The following E2F3 variants were observed in gnomAD, a reference collection of about 807,000 sequenced individuals.
The protein encoded by E2F3 is E2F transcription factor 3.
Under a neutral mutation model 44.4 loss-of-function variants are expected in E2F3, and 11 were observed. The observed-to-expected ratio is 0.25, with a 90% CI of 0.16 to 0.41. E2F3 has a LOEUF of 0.41. Ranked by LOEUF, E2F3 falls within the 10% of genes least tolerant of loss-of-function variation. The pLI is 1.00. For synonymous variants in E2F3, 249 were observed against 253.0 expected (o/e 0.98, Z 0.15); for missense variants, 487 against 583.6 (o/e 0.83, Z 1.70).
At chr6:20,458,978 G>A (rs1220800565) in intron 1 of E2F3, among the ~76,000 whole-genome samples, 1 of 152,078 alleles carries the variant, frequency 6.6e-6, no homozygotes, top group Non-Finnish European at 1.5e-5. Context: ...ATATAGCCTG[G>A]AAGGGCTGGG....
At position 20,488,176 on chromosome 6, in the gene E2F3, A is replaced by C. The variant is rs781357537; in HGVS notation, c.1063A>C (p.Thr355Pro). The C allele has an allele frequency of 6.2e-7, 1 of 1,613,828 alleles. No homozygotes were observed. The highest frequency in any genetic ancestry group is 8.5e-7 in the Non-Finnish European group (1 of 1,179,960). ...PIEVYLCPEE[T>P]ETHSPMKTNN... is the part of the protein sequence containing the mutation. ...TGAGGTTTACTTATGTCCAGAAGAG[A>C]CTGAAACACACAGTCCAATGAAAAC... Residue 355 changes from threonine (T) to proline (P), a missense_variant, in exon 6 of 7, where the codon ACT becomes CCT. Physicochemically the swap from Thr to Pro is conservative, Grantham distance 38. This residue lies in a region of E2F3 where 220 missense variants were observed against 261.7 expected (regional missense o/e 0.84). Transcript: ENST00000346618.
intron 4 of E2F3, among the ~76,000 whole-genome samples, chr6:20,484,711 T>A (rs1762333539): frequency 6.6e-6 from 1 of 152,254 alleles, no homozygotes; most frequent in African/African-American, 2.4e-5. Flanking sequence ...CTGTGATAGA[T>A]CCCCTACATG....
intron 1 of E2F3, among the ~76,000 whole-genome samples, chr6:20,449,775 T>C (rs887069189): frequency 1.2e-4 from 19 of 152,120 alleles, no homozygotes; most frequent in African/African-American, 4.6e-4. Context: ...CTCCTCCCAC[T>C]CTCCACCTTC....
rs200172866 is a variant in E2F3, at chr6:20,482,349, T to G, written c.726-413T>G. ...TGGATGGGTTGTTTTTTTGTTTTTT[T>G]TTTTTTTTAATTTTGAACCATTCCA... is the stretch of plus-strand genomic sequence containing the variant. On this transcript the variant is annotated intron_variant, in intron 3 of 6. Transcript: ENST00000346618. Among the ~76,000 whole-genome samples the G allele has an allele frequency of 2.7e-3, 407 of 150,550 alleles. 2 individuals carry two copies. The highest frequency in any genetic ancestry group is 0.02 in the Middle Eastern group (6 of 294).
chr6:20,407,303 A>G (rs945937008), intron 1 of E2F3, among the ~76,000 whole-genome samples: 1 of 152,198 alleles, frequency 6.6e-6, no homozygotes, highest in Admixed American at 6.5e-5. Context: ...CTCCACTATA[A>G]TCAGTACCAA....
intron 1 of E2F3, among the ~76,000 whole-genome samples, chr6:20,453,278 A>G (rs1456018117): frequency 3.3e-5 from 5 of 152,078 alleles, no homozygotes; most frequent in Non-Finnish European, 5.9e-5. Flanking sequence ...AACCCCTTCC[A>G]CACATACACG....
At chr6:20,427,205 A>G (rs138998221) in intron 1 of E2F3, among the ~76,000 whole-genome samples, 4 of 152,300 alleles carry the variant, frequency 2.6e-5, no homozygotes, top group Non-Finnish European at 4.4e-5. Context: ...ATTTCTTATC[A>G]TATAATGGGA....
Position 20,493,608 on chromosome 6 carries a change from T to G in E2F3, c.*3178T>G, listed in dbSNP as rs929814698. 2 of 206,598 alleles carry G rather than the reference T, an allele frequency of 9.7e-6. No individual in the cohort carries two copies. The highest frequency in any genetic ancestry group is 2.0e-5 in the Non-Finnish European group (2 of 100,976). 12.8% of individuals were successfully genotyped at this position (206,598 alleles called of 1,614,324 possible). A position where few individuals can be genotyped will look rare whatever the true frequency, so the allele number is the denominator to read the frequency against. On this transcript the variant is annotated 3_prime_UTR_variant, in exon 7 of 7. Coordinates refer to ENST00000346618, the MANE Select transcript of E2F3 (RefSeq NM_001949.5). ...ATGATGGATTTTGTAAATAGATTTGTTACAGGGTGACCTGTTCTCTAGCTG... is the reference window on the plus strand; with the variant it reads ...ATGATGGATTTTGTAAATAGATTTGGTACAGGGTGACCTGTTCTCTAGCTG...
At chr6:20,473,976 A>G (rs967207700) in intron 1 of E2F3, among the ~76,000 whole-genome samples, 1 of 152,172 alleles carries the variant, frequency 6.6e-6, no homozygotes. Context: ...GACTAATAGA[A>G]ACTAAGAACA....
intron 1 of E2F3, among the ~76,000 whole-genome samples, chr6:20,453,403 TTTTTTGTTTTTG>T (rs539685002): frequency 6.6e-6 from 1 of 151,850 alleles, no homozygotes; most frequent in Admixed American, 6.6e-5. Context: ...TGGATTCAAG[TTTTTTGTTTTTG>T]TTTTTGTTTT....
chr6:20,433,049 G>C (rs1457031231), intron 1 of E2F3, among the ~76,000 whole-genome samples: 1 of 152,162 alleles, frequency 6.6e-6, no homozygotes, highest in African/African-American at 2.4e-5. Context: ...TCTGCAGTTA[G>C]ACTCTTTTGT....
At chr6:20,468,501 A>G (rs1272084874) in intron 1 of E2F3, among the ~76,000 whole-genome samples, 2 of 152,196 alleles carry the variant, frequency 1.3e-5, no homozygotes, top group Non-Finnish European at 2.9e-5. Context: ...ACCCTCCAGG[A>G]ACCTCCTTGT....
At position 20,402,919 on chromosome 6, in the gene E2F3, A is replaced by C. The variant is rs1581557524; in HGVS notation, c.393+294A>C. Among the ~76,000 whole-genome samples, 1 of 147,702 alleles carries C rather than the reference A, an allele frequency of 6.8e-6. No individual in the cohort carries two copies. The highest frequency in any genetic ancestry group is 2.2e-4 in the South Asian group (1 of 4,566). On this transcript the variant is annotated intron_variant, in intron 1 of 6. Transcript: ENST00000346618. This position sits in a 1 kb window ranked among gnomAD's most constrained non-coding sequence, Gnocchi z 5.6. The stretch of plus-strand genomic sequence containing the variant: ...CCCTTCTTTTCCTGCACTTTTCCCT[A>C]CCCCCACTCTCCCTTCCCCTCCAAC...
At chr6:20,464,020 G>A (rs1347677013) in intron 1 of E2F3, among the ~76,000 whole-genome samples, 1 of 152,206 alleles carries the variant, frequency 6.6e-6, no homozygotes, top group Admixed American at 6.5e-5. Context: ...ATATTACAAA[G>A]GGTACAGATA....
chr6:20,443,629 G>A (rs1308377569), intron 1 of E2F3, among the ~76,000 whole-genome samples: 2 of 152,030 alleles, frequency 1.3e-5, no homozygotes, highest in Non-Finnish European at 2.9e-5. Flanking sequence ...TAGTTACTCG[G>A]GAGAGCGAGA....
intron 1 of E2F3, among the ~76,000 whole-genome samples, chr6:20,436,462 C>T (rs1478638901): frequency 2.9e-5 from 4 of 137,030 alleles, no homozygotes; most frequent in African/African-American, 1.1e-4. Context: ...AACACACACA[C>T]ACACACACAC....
rs746438847 is a variant in E2F3 at position 20,402,827 on chromosome 6, C to T, written c.393+202C>T. Among the ~76,000 whole-genome samples the T allele has an allele frequency of 2.0e-5, 3 of 152,086 alleles. No individual in the cohort carries two copies. Among genetic ancestry groups the T allele is most frequent in the African/African-American group, 7.2e-5 (3 of 41,416 alleles). Reference sequence around the variant, plus strand: ...AGGAGGGTCGGGGGGCTCGGCCAGGCGCGCGGGGCGGCGGGGATTGCCTTG... The same window carrying T: ...AGGAGGGTCGGGGGGCTCGGCCAGGTGCGCGGGGCGGCGGGGATTGCCTTG... On this transcript the variant is annotated intron_variant, in intron 1 of 6. Transcript: ENST00000346618. This position sits in a 1 kb window ranked among gnomAD's most constrained non-coding sequence, Gnocchi z 5.6.
At chr6:20,456,279 C>T (rs1259869604) in intron 1 of E2F3, among the ~76,000 whole-genome samples, 1 of 150,366 alleles carries the variant, frequency 6.7e-6, no homozygotes, top group Non-Finnish European at 1.5e-5. Context: ...GGGAACTCAA[C>T]CAAGGTTTCT....
intron 1 of E2F3, among the ~76,000 whole-genome samples, chr6:20,415,869 A>G (rs1014852505): frequency 6.6e-6 from 1 of 152,190 alleles, no homozygotes; most frequent in African/African-American, 2.4e-5. Context: ...AGAAAGGATC[A>G]AAGTCTGCAG....
Sources: allele counts gnomAD v4.1 joint callset (sites outside exome capture counted in the v4.1 genomes callset), GRCh38; gene constraint gnomAD v4.1.1; regional missense constraint gnomAD v4.1.1; non-coding constraint Gnocchi (gnomAD v3.1); transcripts MANE v1.5; gene names NCBI Gene and HGNC (gene_info 2026-07-23, HGNC 2026-07-21).